The following SSBP4 variants were observed in gnomAD, a reference collection of about 807,000 sequenced individuals.
SSBP4 encodes the protein single stranded DNA binding protein 4, also known as single-stranded DNA-binding protein 4.
In SSBP4, 33 loss-of-function variants were observed where a neutral mutation model predicts 64.6. That is an observed-to-expected ratio of 0.51 (90% CI 0.39 to 0.68). SSBP4 has a LOEUF of 0.68. Among genes scored for constraint, SSBP4 ranks in the 30% least tolerant of loss-of-function variants. The pLI is 0.00. For synonymous variants in SSBP4, 243 were observed against 224.0 expected (o/e 1.08, Z -0.76); for missense variants, 583 against 566.8 (o/e 1.03, Z -0.29).
chr19:18,431,874 A>T lies in SSBP4; in HGVS notation c.565+12A>T. 6.4e-7 allele frequency: 1 copy of T among 1,571,170 alleles called. No homozygotes were observed. Reference sequence around the variant, plus strand: ...CCCACGAGCCCAGGGTGAGTAGGGAAGCTCCAGCCCCTATCCCGCCATCAA... The same window carrying T: ...CCCACGAGCCCAGGGTGAGTAGGGATGCTCCAGCCCCTATCCCGCCATCAA... On this transcript the variant is annotated intron_variant, in intron 8 of 17. Coordinates refer to ENST00000270061, the MANE Select transcript of SSBP4 (RefSeq NM_032627.5).
intron 1 of SSBP4, among the ~76,000 whole-genome samples, chr19:18,420,392 G>A (rs1280698487): frequency 1.3e-5 from 2 of 152,126 alleles, no homozygotes; most frequent in Non-Finnish European, 2.9e-5. Flanking sequence ...CAGGCGCTCT[G>A]AAGCTGGTAG....
At position 18,431,385 on chromosome 19, in the gene SSBP4, C is replaced by A; in HGVS notation, c.402C>A (p.Asn134Lys). 6.8e-7 allele frequency: 1 copy of A among 1,478,174 alleles called. No homozygotes were observed. The highest frequency in any genetic ancestry group is 9.1e-7 in the Non-Finnish European group (1 of 1,093,102). The allele number at this position is 1,478,174 out of a possible 1,614,324, so 91.6% of individuals were successfully genotyped here. Reference sequence around the variant, plus strand: ...CCGGCTCCCAGCCGTCCCCCCACAACCCCAACGCCCCCATGATGGGGCCTC... The same window carrying A: ...CCGGCTCCCAGCCGTCCCCCCACAAACCCAACGCCCCCATGATGGGGCCTC... ...GPPGSQPSPH[N>K]PNAPMMGPHG... The change falls in exon 6 of 18, where the codon AAC becomes AAA. Residue 134 changes from asparagine to lysine, a missense_variant. Transcript: ENST00000270061.
In SSBP4 at chr19:18,430,950, C is replaced by G. The variant is rs376046058; in HGVS notation, c.369+20C>G. Reference sequence around the variant, plus strand: ...TTCCAGGTATGGCCCCGGCTGGAGTCCACTGGCCCCCAACTCTGGCTGAAC... The same window carrying G: ...TTCCAGGTATGGCCCCGGCTGGAGTGCACTGGCCCCCAACTCTGGCTGAAC... On this transcript the variant is annotated intron_variant, in intron 5 of 17. Transcript: ENST00000270061. 1.6e-4 allele frequency: 256 copies of G among 1,608,656 alleles called. No homozygotes were observed. Among genetic ancestry groups the G allele is most frequent in the Non-Finnish European group, 2.1e-4 (243 of 1,179,264 alleles).
chr19:18,422,855 C>T (rs902616216), intron 1 of SSBP4, among the ~76,000 whole-genome samples: 12 of 152,376 alleles, frequency 7.9e-5, no homozygotes, highest in African/African-American at 2.9e-4. Flanking sequence ...CTGCACTTTT[C>T]TTCCTGCAAT....
At chr19:18,433,373 G>A in intron 15 of SSBP4, 160 bp downstream of exon 15, 2 of 1,265,876 alleles carry the variant, frequency 1.6e-6, no homozygotes, top group East Asian at 2.5e-5. Context: ...CGAGCTGGAG[G>A]GGGATCCAGC....
At chr19:18,420,498 C>T (rs1365335885) in intron 1 of SSBP4, among the ~76,000 whole-genome samples, 2 of 152,002 alleles carry the variant, frequency 1.3e-5, no homozygotes, top group Non-Finnish European at 2.9e-5. Flanking sequence ...GGGTGGAAAG[C>T]ATTTGAAAGG....
At chr19:18,404,619 G>C in the SSBP4 span, among the ~76,000 whole-genome samples, 24 of 145,898 alleles carry the variant, frequency 1.6e-4, no homozygotes, top group Admixed American at 2.8e-4. Flanking sequence ...AAGGCTGGGC[G>C]GGGTGGCTCA....
upstream of SSBP4, among the ~76,000 whole-genome samples, chr19:18,415,586 A>AGAGGAGGAGGGAGAGGAAGAG (rs1489161625): frequency 1.3e-5 from 2 of 152,114 alleles, no homozygotes; most frequent in African/African-American, 4.8e-5. Context: ...AGGAGGAGGA[A>AGAGGAGGAGGGAGAGGAAGAG]GAGGAGGAGG....
Position 18,423,454 on chromosome 19 carries a change from C to T in SSBP4, c.59+3747C>T, listed in dbSNP as rs975522108. On this transcript the variant is annotated intron_variant, in intron 1 of 17. Coordinates refer to ENST00000270061, the MANE Select transcript of SSBP4 (RefSeq NM_032627.5). This position sits in a 1 kb window ranked among gnomAD's most constrained non-coding sequence, Gnocchi z 4.0. ...TAGGGTTGGCAGAGGGGAGGGAGGA[C>T]GGCGAGGGTTGGAGGGTCAGGAGTG... Among the ~76,000 whole-genome samples, 2 of 152,002 alleles carry T rather than the reference C, an allele frequency of 1.3e-5. No individual in the cohort carries two copies. The highest frequency in any genetic ancestry group is 2.4e-5 in the African/African-American group (1 of 41,370).
At chr19:18,433,064 G>A (rs1266223159) in intron 14 of SSBP4, 21 bp downstream of exon 14, 4 of 1,613,846 alleles carry the variant, frequency 2.5e-6, no homozygotes, top group Non-Finnish European at 3.4e-6. Context: ...GCTTGCAGGG[G>A]TGCTTCTCGA....
upstream of SSBP4, among the ~76,000 whole-genome samples, chr19:18,416,967 A>C (rs554526119): frequency 6.6e-5 from 10 of 152,190 alleles, no homozygotes; most frequent in East Asian, 1.8e-3. Context: ...CTGTGTTTGG[A>C]GATCCTTCCC....
the SSBP4 span, among the ~76,000 whole-genome samples, chr19:18,404,992 C>T: frequency 6.4e-5 from 8 of 125,352 alleles, no homozygotes; most frequent in East Asian, 4.3e-4. Context: ...GAGGCCCCCC[C>T]CCCCGCGAAA....
chr19:18,408,586 A>AG, the SSBP4 span, among the ~76,000 whole-genome samples: 3 of 149,234 alleles, frequency 2.0e-5, no homozygotes, highest in East Asian at 6.0e-4. Context: ...TCCGCCCCCC[A>AG]GGTTCAAGTG....
Position 18,427,476 on chromosome 19 carries a change from C to G in SSBP4, c.132+53C>G, listed in dbSNP as rs780904159. Reference sequence around the variant, plus strand: ...CCCTCCTCACCCACACTCCGGGGGTCCTTCATTTCCACTGGGGATCCAGGG... The same window carrying G: ...CCCTCCTCACCCACACTCCGGGGGTGCTTCATTTCCACTGGGGATCCAGGG... On this transcript the variant is annotated intron_variant, in intron 2 of 17. Transcript: ENST00000270061. This position sits in a 1 kb window ranked among gnomAD's most constrained non-coding sequence, Gnocchi z 4.4. 1 of 1,577,614 alleles carries G rather than the reference C, an allele frequency of 6.3e-7. No individual in the cohort carries two copies. Among genetic ancestry groups the G allele is most frequent in the Non-Finnish European group, 8.6e-7 (1 of 1,160,476 alleles).
the SSBP4 span, among the ~76,000 whole-genome samples, chr19:18,411,801 G>A: frequency 2.0e-4 from 31 of 152,266 alleles, no homozygotes; most frequent in African/African-American, 7.5e-4. Context: ...GAAAAGACTC[G>A]TGTCCCTGTA....
At chr19:18,432,520 G>A in intron 10 of SSBP4, 39 bp from the exon 11 acceptor site, 1 of 1,542,668 alleles carries the variant, frequency 6.5e-7, no homozygotes, top group African/African-American at 1.4e-5. Flanking sequence ...TGATCCACAT[G>A]GACTAGCCCC....
rs752103972 is a variant in SSBP4 at position 18,427,385 on chromosome 19, A to G, written c.94A>G (p.Ile32Val). The change falls in exon 2 of 18, where the codon ATC becomes GTC. Residue 32 changes from isoleucine (I) to valine (V), a missense_variant. Transcript: ENST00000270061. This position sits in a 1 kb window ranked among gnomAD's most constrained non-coding sequence, Gnocchi z 4.4. ...ALYVYEYLLH[I>V]GAQKSAQTFL... The stretch of plus-strand genomic sequence containing the variant: ...GTACGTTTATGAGTACCTGCTGCAC[A>G]TCGGTGCCCAGAAGTCAGCCCAGAC... 6 of 1,610,860 alleles carry G rather than the reference A, an allele frequency of 3.7e-6. No homozygotes were observed. In the African/African-American group the frequency reaches 4.0e-5, roughly 11 times the overall value.
Position 18,427,555 on chromosome 19 carries a change from T to A in SSBP4, c.132+132T>A, listed in dbSNP as rs1972947005. On this transcript the variant is annotated intron_variant, in intron 2 of 17. Transcript: ENST00000270061. The surrounding 1 kb of genome is among the most constrained non-coding windows in gnomAD (Gnocchi z 4.4). ...CCTGGGAACTGAGGGCTCTGCAGGGTCCAGGCCCTGGGCTAGCATCCAGGC... is the reference window on the plus strand; with the variant it reads ...CCTGGGAACTGAGGGCTCTGCAGGGACCAGGCCCTGGGCTAGCATCCAGGC... The A allele has an allele frequency of 1.6e-6, 2 of 1,273,850 alleles. No individual in the cohort carries two copies. Among genetic ancestry groups the A allele is most frequent in the Non-Finnish European group, 2.2e-6 (2 of 930,200 alleles). The allele number at this position is 1,273,850 out of a possible 1,614,324, so 78.9% of individuals were successfully genotyped here.
Position 18,434,288 on chromosome 19 carries a change from GC to G in SSBP4, c.*45del. ...GGCCTCTCTGCGGGCCTAGGCTTCT[GC>G]CCAGCGCCCCTGCTCAGGGCGAGGG... is the stretch of plus-strand genomic sequence containing the variant. On this transcript the variant is annotated 3_prime_UTR_variant, in exon 18 of 18. Transcript: ENST00000270061. The G allele has an allele frequency of 6.8e-6, 11 of 1,607,396 alleles. No individual in the cohort carries two copies. Among genetic ancestry groups the G allele is most frequent in the Non-Finnish European group, 7.6e-6 (9 of 1,177,564 alleles).
Sources: allele counts gnomAD v4.1 joint callset (sites outside exome capture counted in the v4.1 genomes callset), GRCh38; gene constraint gnomAD v4.1.1; non-coding constraint Gnocchi (gnomAD v3.1); transcripts MANE v1.5; gene names NCBI Gene and HGNC (gene_info 2026-07-23, HGNC 2026-07-21).